MINK1: variants seen among roughly 807,000 people sequenced by gnomAD.
The protein encoded by MINK1 is misshapen like kinase 1, also known as misshapen-like kinase 1.
A neutral mutation model predicts 178.4 loss-of-function variants in MINK1; 46 were observed. The ratio of observed to expected loss-of-function variants is 0.26; its 90% confidence interval spans 0.20 to 0.33. MINK1 has a LOEUF of 0.33. MINK1 is among the 10% of genes least tolerant of loss of function. MINK1 has a pLI of 1.00. For synonymous variants in MINK1, 797 were observed against 709.7 expected (o/e 1.12, Z -1.96); for missense variants, 1,366 against 1,814.9 (o/e 0.75, Z 4.49).
chr17:4,857,150 AG>A (rs532709041), intron 1 of MINK1: 11 of 258,312 alleles, frequency 4.3e-5, no homozygotes, highest in East Asian at 2.4e-4. Context: ...GGGAGTTGGC[AG>A]GGGGGACAGC....
Position 4,892,362 on chromosome 17 carries a change from C to A in MINK1, c.2088-40C>A, listed in dbSNP as rs762114364. The A allele has an allele frequency of 1.0e-5, 15 of 1,453,672 alleles. No individual in the cohort carries two copies. The East Asian group carries it at 3.0e-4, about 29-fold the overall frequency. The allele number at this position is 1,453,672 out of a possible 1,614,324, so 90.0% of individuals were successfully genotyped here. A position where few individuals can be genotyped will look rare whatever the true frequency, so the allele number is the denominator to read the frequency against. ...GCCCCAGCCCCATCACCTCAGCGCC[C>A]CCCCGCCGCCCCCTCGGCACCCCTG... On this transcript the variant is annotated intron_variant, in intron 17 of 31. Transcript: ENST00000355280.
intron 1 of MINK1, among the ~76,000 whole-genome samples, chr17:4,869,897 C>T (rs1257160516): frequency 6.8e-6 from 1 of 146,428 alleles, no homozygotes; most frequent in Non-Finnish European, 1.5e-5. Flanking sequence ...GGTGCAGTGG[C>T]GCAATTTTTT....
At position 4,886,236 on chromosome 17, in the gene MINK1, C is replaced by A. The variant is rs1226615200; in HGVS notation, c.773+38C>A. ...GAGTGTGGGCTCTGGGAAGGAAGGT[C>A]CCTGGACAAGGCCATCCCCACCTTC... On this transcript the variant is annotated intron_variant, in intron 9 of 31. Coordinates refer to ENST00000355280, the MANE Select transcript of MINK1 (RefSeq NM_153827.5). The surrounding 1 kb of genome is among the most constrained non-coding windows in gnomAD (Gnocchi z 6.1). The A allele has an allele frequency of 6.2e-7, 1 of 1,604,842 alleles. No individual in the cohort carries two copies. The highest frequency in any genetic ancestry group is 1.1e-5 in the South Asian group (1 of 90,882).
intron 4 of MINK1, among the ~76,000 whole-genome samples, chr17:4,882,040 G>A (rs949010272): frequency 1.3e-4 from 20 of 152,250 alleles, no homozygotes; most frequent in African/African-American, 4.8e-4. Context: ...GGCCTCCAAG[G>A]CCCTTTGGCT....
intron 1 of MINK1, among the ~76,000 whole-genome samples, chr17:4,844,152 C>T (rs1047382715): frequency 6.6e-6 from 1 of 152,002 alleles, no homozygotes; most frequent in African/African-American, 2.4e-5. Flanking sequence ...AGGTGCGCAC[C>T]ACCACACCTG....
chr17:4,843,879 G>A (rs530170530), intron 1 of MINK1, among the ~76,000 whole-genome samples: 1 of 152,306 alleles, frequency 6.6e-6, no homozygotes, highest in East Asian at 1.9e-4. Flanking sequence ...GCTGTTGGAG[G>A]GAGACCTGCT....
Sources: allele counts gnomAD v4.1 joint callset (sites outside exome capture counted in the v4.1 genomes callset), GRCh38; gene constraint gnomAD v4.1.1; non-coding constraint Gnocchi (gnomAD v3.1); transcripts MANE v1.5; gene names NCBI Gene and HGNC (gene_info 2026-07-23, HGNC 2026-07-21).